Variants in KLHL1 observed in about 807,000 individuals in gnomAD.
KLHL1 encodes the protein kelch like family member 1.
A neutral mutation model predicts 77.7 loss-of-function variants in KLHL1; 47 were observed. That is an observed-to-expected ratio of 0.60 (90% CI 0.48 to 0.77). The LOEUF (loss-of-function observed/expected upper bound fraction) is 0.77. Among genes scored for constraint, KLHL1 ranks in the 30% least tolerant of loss-of-function variants. The pLI is 0.00. For missense variants in KLHL1, 925 were observed against 910.8 expected (o/e 1.02, Z -0.20); for synonymous variants, 360 against 325.2 (o/e 1.11, Z -1.15).
At chr13:69,789,650 C>G (rs967229476) in intron 7 of KLHL1, among the ~76,000 whole-genome samples, 7 of 152,150 alleles carry the variant, frequency 4.6e-5, no homozygotes, top group African/African-American at 1.7e-4. Flanking sequence ...ACTATCTGAT[C>G]ATTCTTACTT....
chr13:70,042,775 G>A (rs918471229), intron 1 of KLHL1, among the ~76,000 whole-genome samples: 1 of 152,134 alleles, frequency 6.6e-6, no homozygotes, highest in African/African-American at 2.4e-5. Context: ...AGGTCCTTTA[G>A]GAGGTATTCC....
intron 1 of KLHL1, among the ~76,000 whole-genome samples, chr13:70,047,935 T>C (rs1032689612): frequency 6.6e-6 from 1 of 152,186 alleles, no homozygotes; most frequent in Admixed American, 6.5e-5. Context: ...ATTTAGTATC[T>C]CTGAGCCTGA....
chr13:69,887,652 C>G (rs150010664), intron 4 of KLHL1, among the ~76,000 whole-genome samples: 1 of 152,240 alleles, frequency 6.6e-6, no homozygotes, highest in East Asian at 1.9e-4. Context: ...CACTTTATAA[C>G]AAGGGTCACT....
intron 7 of KLHL1, among the ~76,000 whole-genome samples, chr13:69,782,100 A>C (rs1876246023): frequency 6.6e-6 from 1 of 152,162 alleles, no homozygotes; most frequent in Admixed American, 6.5e-5. Flanking sequence ...ATGCCAAATA[A>C]ATTTGTGTTC....
intron 7 of KLHL1, among the ~76,000 whole-genome samples, chr13:69,750,755 A>G (rs1465375154): frequency 6.6e-6 from 1 of 151,868 alleles, no homozygotes; most frequent in Non-Finnish European, 1.5e-5. Flanking sequence ...TAGCATTAAG[A>G]TTTTTTTGCT....
intron 1 of KLHL1, among the ~76,000 whole-genome samples, chr13:70,031,914 A>T (rs1886111152): frequency 6.6e-6 from 1 of 152,194 alleles, no homozygotes; most frequent in Non-Finnish European, 1.5e-5. Context: ...AACTATTATG[A>T]GTCAAAGTAC....
At chr13:69,971,817 T>C (rs1023468573) in intron 2 of KLHL1, among the ~76,000 whole-genome samples, 1 of 152,086 alleles carries the variant, frequency 6.6e-6, no homozygotes, top group African/African-American at 2.4e-5. Context: ...TGTTTTATAA[T>C]CATTATGCAT....
intron 1 of KLHL1, among the ~76,000 whole-genome samples, chr13:70,003,062 A>G (rs190955981): frequency 3.3e-5 from 5 of 151,858 alleles, no homozygotes; most frequent in Admixed American, 2.6e-4. Context: ...TAAAAGACTA[A>G]CAGAAAAGTG....
chr13:69,760,730 C>T (rs931084093), intron 7 of KLHL1, among the ~76,000 whole-genome samples: 37 of 151,976 alleles, frequency 2.4e-4, no homozygotes, highest in African/African-American at 8.5e-4. Context: ...TTTCAGGAGG[C>T]AATACAAATA....
intron 7 of KLHL1, among the ~76,000 whole-genome samples, chr13:69,754,856 T>C (rs1207719978): frequency 6.6e-6 from 1 of 152,180 alleles, no homozygotes; most frequent in Non-Finnish European, 1.5e-5. Flanking sequence ...ATTTTAACAC[T>C]CTGAACCTCA....
At chr13:70,017,668 G>C (rs1885691873) in intron 1 of KLHL1, among the ~76,000 whole-genome samples, 3 of 152,184 alleles carry the variant, frequency 2.0e-5, no homozygotes, top group Admixed American at 6.5e-5. Flanking sequence ...CAGACCGAAG[G>C]TGCATACACA....
intron 7 of KLHL1, among the ~76,000 whole-genome samples, chr13:69,751,084 T>C (rs1038344044): frequency 6.6e-6 from 1 of 151,052 alleles, no homozygotes; most frequent in Non-Finnish European, 1.5e-5. Flanking sequence ...TACAAGCCTC[T>C]AATATCTTTC....
At chr13:69,804,337 A>G (rs1877522081) in intron 6 of KLHL1, among the ~76,000 whole-genome samples, 1 of 152,144 alleles carries the variant, frequency 6.6e-6, no homozygotes, top group Non-Finnish European at 1.5e-5. Flanking sequence ...TAATGTTTGT[A>G]CACTCTAGTT....
intron 7 of KLHL1, among the ~76,000 whole-genome samples, chr13:69,770,353 G>T (rs189908809): frequency 7.3e-4 from 111 of 152,354 alleles, no homozygotes; most frequent in African/African-American, 2.6e-3. Context: ...AACTCATGCA[G>T]AAGCTTTGCT....
intron 1 of KLHL1, among the ~76,000 whole-genome samples, chr13:69,983,589 A>AAAAAAAAAAAAAAAAAAAAAAAAAAAAG (rs1216543322): frequency 8.3e-5 from 11 of 132,202 alleles, no homozygotes; most frequent in African/African-American, 2.2e-4. Flanking sequence ...AAAAAAAAAA[A>AAAAAAAAAAAAAAAAAAAAAAAAAAAAG]AAGAAGAAGA....
At chr13:70,036,330 A>G (rs1427257397) in intron 1 of KLHL1, among the ~76,000 whole-genome samples, 1 of 152,012 alleles carries the variant, frequency 6.6e-6, no homozygotes, top group East Asian at 1.9e-4. Context: ...GTATATGTAA[A>G]TATAAGAAAT....
chr13:70,103,105 C>T (rs1382346643), intron 1 of KLHL1, among the ~76,000 whole-genome samples: 1 of 152,070 alleles, frequency 6.6e-6, no homozygotes, highest in African/African-American at 2.4e-5. Flanking sequence ...GAACTCCTTT[C>T]CTGGGAAAGG....
chr13:69,927,500 C>T (rs1425816235), intron 4 of KLHL1, among the ~76,000 whole-genome samples: 1 of 152,078 alleles, frequency 6.6e-6, no homozygotes, highest in Non-Finnish European at 1.5e-5. Context: ...AAAAGGTTTG[C>T]AAATCATATA....
intron 10 of KLHL1, among the ~76,000 whole-genome samples, chr13:69,702,273 C>T (rs1593756308): frequency 1.3e-5 from 2 of 151,658 alleles, no homozygotes; most frequent in East Asian, 3.9e-4. Context: ...ATTATAATTG[C>T]TATATGCTTA....
Sources: gnomAD v4.1 joint callset for allele counts (sites outside exome capture counted in the v4.1 genomes callset) on GRCh38, gnomAD v4.1.1 for gene constraint, MANE v1.5 for transcripts, NCBI Gene and HGNC (gene_info 2026-07-23, HGNC 2026-07-21) for gene names.